DNER: variants seen among roughly 807,000 people sequenced by gnomAD.
The protein encoded by DNER is delta/notch like EGF repeat containing, also known as delta and Notch-like epidermal growth factor-related receptor.
DNER carries 33 observed loss-of-function variants against 78.2 expected under a neutral mutation model. That is an observed-to-expected ratio of 0.42 (90% CI 0.32 to 0.56). The LOEUF (loss-of-function observed/expected upper bound fraction) is 0.56, where lower values mean the gene tolerates loss of function less well. Ranked by LOEUF, DNER falls within the 20% of genes least tolerant of loss-of-function variation. The pLI is 0.11. For synonymous variants in DNER, 417 were observed against 384.8 expected (o/e 1.08, Z -0.98); for missense variants, 918 against 975.3 (o/e 0.94, Z 0.78).
intron 1 of DNER, among the ~76,000 whole-genome samples, chr2:229,636,864 A>T (rs1049134351): frequency 3.9e-5 from 6 of 152,170 alleles, no homozygotes; most frequent in Non-Finnish European, 8.8e-5. Flanking sequence ...CTTCTTGGTC[A>T]TTCTCCTTCC....
chr2:229,376,258 G>A (rs1029497740), intron 11 of DNER, among the ~76,000 whole-genome samples: 2 of 152,152 alleles, frequency 1.3e-5, no homozygotes, highest in Non-Finnish European at 2.9e-5. Context: ...TGAGGGCTCT[G>A]CCTTCATGAA....
intron 4 of DNER, among the ~76,000 whole-genome samples, chr2:229,568,719 C>CT (rs1553540226): frequency 2.6e-5 from 4 of 151,800 alleles, no homozygotes; most frequent in South Asian, 2.1e-4. Flanking sequence ...TATACGTTTC[C>CT]TTTTTTTTAA....
intron 4 of DNER, among the ~76,000 whole-genome samples, chr2:229,557,721 CT>C (rs1696878080): frequency 6.7e-6 from 1 of 149,338 alleles, no homozygotes. Context: ...AAGATAGATA[CT>C]GAGGGAGACA....
rs58220819 is a variant in DNER at position 229,635,361 on chromosome 2, G to GAAAAAAAAAAAAAA, written c.277-43487_277-43474dup. On this transcript the variant is annotated intron_variant, in intron 1 of 12. Transcript: ENST00000341772. Reference sequence around the variant, plus strand: ...CTATGGATGCACTAAGGTCCCACAGGAAAAAAAAAAAAAAAAAAAAAAAAC... The same window carrying GAAAAAAAAAAAAAA: ...CTATGGATGCACTAAGGTCCCACAGGAAAAAAAAAAAAAAAAAAAAAAAAAAAAAAAAAAAAAAC... 9.3e-5 allele frequency among the ~76,000 whole-genome samples: 8 copies of GAAAAAAAAAAAAAA among 85,876 alleles called. 1 individual carries two copies. Among genetic ancestry groups the GAAAAAAAAAAAAAA allele is most frequent in the African/African-American group, 3.5e-4 (7 of 19,752 alleles). The allele number at this position is 85,876 out of a possible 152,430, so 56.3% of individuals were successfully genotyped here. A position where few individuals can be genotyped will look rare whatever the true frequency, so the allele number is the denominator to read the frequency against.
intron 1 of DNER, among the ~76,000 whole-genome samples, chr2:229,704,363 C>CA (rs1178607089): frequency 6.6e-6 from 1 of 152,186 alleles, no homozygotes; most frequent in Non-Finnish European, 1.5e-5. Flanking sequence ...GTTATTTACT[C>CA]AAGAGAAATG....
At chr2:229,690,577 C>T (rs576453045) in intron 1 of DNER, among the ~76,000 whole-genome samples, 1 of 152,192 alleles carries the variant, frequency 6.6e-6, no homozygotes, top group Non-Finnish European at 1.5e-5. Context: ...TCCCTTCCAG[C>T]TCCATCACTC....
At chr2:229,388,626 TATATATATATATATATATATAG>T (rs1692952692) in intron 10 of DNER, among the ~76,000 whole-genome samples, 1 of 86,240 alleles carries the variant, frequency 1.2e-5, no homozygotes, top group African/African-American at 5.3e-5. Context: ...TATATATATA[TATATATATATATATATATATAG>T]CACTGGTAAA....
intron 1 of DNER, among the ~76,000 whole-genome samples, chr2:229,657,421 C>A (rs1047710474): frequency 2.6e-5 from 4 of 152,120 alleles, no homozygotes; most frequent in Non-Finnish European, 5.9e-5. Flanking sequence ...TATACCTTGT[C>A]TACTGTAAAT....
chr2:229,390,229 A>T (rs73098247), intron 10 of DNER, among the ~76,000 whole-genome samples: 4,478 of 152,362 alleles, frequency 0.029, 96 homozygotes, highest in African/African-American at 0.06. Context: ...GATGCTCTGT[A>T]ACCTTTACAA....
intron 1 of DNER, among the ~76,000 whole-genome samples, chr2:229,665,032 A>G (rs1699064900): frequency 6.6e-6 from 1 of 152,236 alleles, no homozygotes; most frequent in Admixed American, 6.5e-5. Flanking sequence ...AATTTGCGGA[A>G]TAGTTACTAA....
chr2:229,589,963 G>A (rs1265357486), intron 2 of DNER, among the ~76,000 whole-genome samples: 2 of 150,456 alleles, frequency 1.3e-5, no homozygotes, highest in African/African-American at 4.9e-5. Flanking sequence ...AAAATAAAAG[G>A]AGAAATGCTA....
In DNER at chr2:229,554,935, G is replaced by GGA. The variant is rs1696828320; in HGVS notation, c.848-7844_848-7843insTC. 2.7e-3 allele frequency among the ~76,000 whole-genome samples: 141 copies of GGA among 52,220 alleles called. 3 individuals are homozygous for GGA. The highest frequency in any genetic ancestry group is 0.011 in the Middle Eastern group (1 of 92). 34.3% of individuals were successfully genotyped at this position (52,220 alleles called of 152,430 possible). A position where few individuals can be genotyped will look rare whatever the true frequency, so the allele number is the denominator to read the frequency against. ...GAGAAGAGAAGAGAAGAGAAGAGAA[G>GGA]AGAGAAAAGGGAAGGGAAGGGAAGG... is the stretch of plus-strand genomic sequence containing the variant. On this transcript the variant is annotated intron_variant, in intron 4 of 12. Transcript: ENST00000341772.
At chr2:229,380,646 G>A (rs1030375866) in intron 11 of DNER, among the ~76,000 whole-genome samples, 7 of 150,822 alleles carry the variant, frequency 4.6e-5, no homozygotes, top group Non-Finnish European at 8.9e-5. Context: ...CTCGATTGCA[G>A]TCAGGCACGG....
intron 10 of DNER, among the ~76,000 whole-genome samples, chr2:229,396,160 A>G (rs1316898845): frequency 3.3e-5 from 5 of 152,188 alleles, no homozygotes; most frequent in Admixed American, 1.3e-4. Flanking sequence ...CTGTATGTCT[A>G]TATTTTATAT....
chr2:229,652,918 A>T (rs1698845461), intron 1 of DNER, among the ~76,000 whole-genome samples: 1 of 152,174 alleles, frequency 6.6e-6, no homozygotes, highest in South Asian at 2.1e-4. Flanking sequence ...AGGCGGCGGC[A>T]TGGGTAGTAT....
chr2:229,470,604 C>T (rs533933291), intron 7 of DNER, among the ~76,000 whole-genome samples: 2 of 152,278 alleles, frequency 1.3e-5, no homozygotes, highest in South Asian at 4.1e-4. Flanking sequence ...AATCCCCGTA[C>T]TTTGGGAGGC....
intron 6 of DNER, among the ~76,000 whole-genome samples, chr2:229,482,464 C>T (rs1037513765): frequency 3.9e-5 from 6 of 152,200 alleles, no homozygotes; most frequent in African/African-American, 1.2e-4. Context: ...TAAAAGATAC[C>T]GCACGGTGTG....
chr2:229,373,215 C>T lies in DNER; in HGVS notation c.1856-6096G>A, dbSNP rs934571368. ...GATGCATCCAAGAAAGGTCTAATACCCAGAATCTGTAAGAAACTTAAACAA... is the reference window on the plus strand; with the variant it reads ...GATGCATCCAAGAAAGGTCTAATACTCAGAATCTGTAAGAAACTTAAACAA... On this transcript the variant is annotated intron_variant, in intron 11 of 12. Coordinates refer to ENST00000341772, the MANE Select transcript of DNER (RefSeq NM_139072.4). 5.9e-5 allele frequency among the ~76,000 whole-genome samples: 9 copies of T among 152,118 alleles called. No individual in the cohort carries two copies. The South Asian group carries it at 6.2e-4, about 11-fold the overall frequency.
chr2:229,523,796 G>A (rs1242169376), intron 5 of DNER, among the ~76,000 whole-genome samples: 1 of 152,220 alleles, frequency 6.6e-6, no homozygotes. Flanking sequence ...CCTAGACGGT[G>A]CACAATATTC....
Sources: allele counts gnomAD v4.1 joint callset (sites outside exome capture counted in the v4.1 genomes callset), GRCh38; gene constraint gnomAD v4.1.1; transcripts MANE v1.5; gene names NCBI Gene and HGNC (gene_info 2026-07-23, HGNC 2026-07-21).